Variants in VPS18 observed in about 807,000 individuals in gnomAD.
VPS18 encodes VPS18 core subunit of CORVET and HOPS complexes, also known as vacuolar protein sorting-associated protein 18 homolog.
In VPS18, 25 loss-of-function variants were observed where a neutral mutation model predicts 82.0. The observed-to-expected ratio is 0.30, with a 90% CI of 0.22 to 0.43. The LOEUF is 0.43. Ranked by LOEUF, VPS18 falls within the 20% of genes least tolerant of loss-of-function variation. The probability of loss-of-function intolerance (pLI) is 1.00; values close to 1 mark genes in which losing one functional copy is unlikely to be tolerated. For missense variants in VPS18, 1,168 were observed against 1,311.1 expected (o/e 0.89, Z 1.69); for synonymous variants, 523 against 543.0 (o/e 0.96, Z 0.51).
At position 40,899,937 on chromosome 15, in the gene VPS18, C is replaced by T. The variant is rs1387381114; in HGVS notation, c.1119C>T (p.Ser373=). Residue 373 remains serine, a synonymous_variant, in exon 4 of 5, where the codon TCC becomes TCT. Coordinates refer to ENST00000220509, the MANE Select transcript of VPS18 (RefSeq NM_020857.3). The surrounding 1 kb of genome is among the most constrained non-coding windows in gnomAD (Gnocchi z 4.4). ...CGCTGAAGCACATGGTGAAGGACTC[C>T]TCCACAGGCCAGCTGTGGGCCTACA... ...FGPLKHMVKD[S]STGQLWAYTE... 6.2e-6 allele frequency: 10 copies of T among 1,613,522 alleles called. No individual in the cohort carries two copies. Among genetic ancestry groups the T allele is most frequent in the Non-Finnish European group, 5.1e-6 (6 of 1,180,028 alleles).
Position 40,895,921 on chromosome 15 carries a change from T to C in VPS18, c.92-17T>C. 6 of 1,614,100 alleles carry C rather than the reference T, an allele frequency of 3.7e-6. No individual in the cohort carries two copies. Among genetic ancestry groups the C allele is most frequent in the Non-Finnish European group, 5.1e-6 (6 of 1,179,944 alleles). On this transcript the variant is annotated splice_polypyrimidine_tract_variant and intron_variant, in intron 1 of 4. Coordinates refer to ENST00000220509, the MANE Select transcript of VPS18 (RefSeq NM_020857.3). Reference sequence around the variant, plus strand: ...GTCTCTTCCACAGCTAATCTTCTTGTCATTCCTTACCTGTAGGGTATGTGA... The same window carrying C: ...GTCTCTTCCACAGCTAATCTTCTTGCCATTCCTTACCTGTAGGGTATGTGA...
Position 40,900,476 on chromosome 15 carries a change from C to G in VPS18, c.1658C>G (p.Thr553Arg). The change falls in exon 4 of 5, where the codon ACA (threonine) becomes AGA (arginine). Residue 553 changes from threonine (T) to arginine (R), a missense_variant. Thr to Arg is a moderately conservative substitution (Grantham distance 71). Around this residue, in one of 3 missense-constraint regions of VPS18, gnomAD observed 868 missense variants for 939.8 expected, o/e 0.92. Coordinates refer to ENST00000220509, the MANE Select transcript of VPS18 (RefSeq NM_020857.3). The surrounding 1 kb of genome is among the most constrained non-coding windows in gnomAD (Gnocchi z 5.4). ...GAGCTGCTCGCCAGTCATGGGGACACAGAACACATGGTGTACTTTGCAGTG... is the reference window on the plus strand; with the variant it reads ...GAGCTGCTCGCCAGTCATGGGGACAGAGAACACATGGTGTACTTTGCAGTG... The part of the protein sequence containing the change: ...IHELLASHGD[T>R]EHMVYFAVIM... 1.2e-6 allele frequency: 2 copies of G among 1,614,180 alleles called. No homozygotes were observed. Among genetic ancestry groups the G allele is most frequent in the South Asian group, 2.2e-5 (2 of 91,078 alleles).
chr15:40,900,854 T>G lies in VPS18; in HGVS notation c.2036T>G (p.Leu679Arg). 1 of 1,614,168 alleles carries G rather than the reference T, an allele frequency of 6.2e-7. No homozygotes were observed. The highest frequency in any genetic ancestry group is 8.5e-7 in the Non-Finnish European group (1 of 1,180,040). ...SLYARGRPDS[L>R]LAYLEQAGAS... The stretch of plus-strand genomic sequence containing the variant: ...TATGCCCGTGGCCGGCCGGACTCAC[T>G]ACTGGCCTATCTGGAGCAGGCTGGG... Residue 679 changes from leucine to arginine, a missense_variant, in exon 4 of 5, where the codon CTA becomes CGA. Physicochemically the swap from Leu to Arg is moderately radical, Grantham distance 102 (BLOSUM62 -2). Transcript: ENST00000220509. This position sits in a 1 kb window ranked among gnomAD's most constrained non-coding sequence, Gnocchi z 5.4.
Position 40,903,015 on chromosome 15 carries a change from T to A in VPS18, c.2596T>A (p.Tyr866Asn). Residue 866 changes from tyrosine to asparagine, a missense_variant, in exon 5 of 5, where the codon TAC becomes AAC. Transcript: ENST00000220509. ...CTTCCCCCTGCTCAACCGCCCTTTT[T>A]ACCTCTTCCTCTGTGGCCATATGTT... is the stretch of plus-strand genomic sequence containing the variant. The part of the protein sequence containing the change: ...CDFPLLNRPF[Y>N]LFLCGHMFHA... 1 of 1,614,238 alleles carries A rather than the reference T, an allele frequency of 6.2e-7. No homozygotes were observed. Among genetic ancestry groups the A allele is most frequent in the Non-Finnish European group, 8.5e-7 (1 of 1,180,040 alleles).
intron 2 of VPS18, among the ~76,000 whole-genome samples, chr15:40,896,961 A>G (rs1892240309): frequency 1.3e-5 from 2 of 152,170 alleles, no homozygotes; most frequent in Non-Finnish European, 1.5e-5. Flanking sequence ...TTAAACTGCA[A>G]TTCAGCCACA....
rs1283805635 is a variant in VPS18 at position 40,900,544 on chromosome 15, C to T, written c.1726C>T (p.His576Tyr). 2 of 1,614,036 alleles carry T rather than the reference C, an allele frequency of 1.2e-6. No individual in the cohort carries two copies. The highest frequency in any genetic ancestry group is 1.7e-6 in the Non-Finnish European group (2 of 1,180,030). ...GCGGGTGGTGGCTTACCACTGTCAG[C>T]ACGAGGCCTACGAGGAGGCCCTGGC... is the stretch of plus-strand genomic sequence containing the variant. ...YERVVAYHCQ[H>Y]EAYEEALAVL... The change falls in exon 4 of 5, where the codon CAC becomes TAC. Residue 576 changes from histidine (H) to tyrosine (Y), a missense_variant. By Grantham distance (83) the His-to-Tyr change is moderately conservative (BLOSUM62 2). Transcript: ENST00000220509. The surrounding 1 kb of genome is among the most constrained non-coding windows in gnomAD (Gnocchi z 5.4).
chr15:40,901,447 C>T (rs1473008647), intron 4 of VPS18, among the ~76,000 whole-genome samples: 1 of 151,790 alleles, frequency 6.6e-6, no homozygotes, highest in Non-Finnish European at 1.5e-5. Context: ...ATTAGCCGGA[C>T]ATTGTGGTGC....
intron 4 of VPS18, 88 bp downstream of exon 4, chr15:40,901,102 G>A: frequency 7.0e-7 from 1 of 1,422,564 alleles, no homozygotes; most frequent in Admixed American, 2.0e-5. Context: ...GCCATGGCTA[G>A]AGGGTGCTGG....
At position 40,900,157 on chromosome 15, in the gene VPS18, G is replaced by T; in HGVS notation, c.1339G>T (p.Ala447Ser). 1.9e-6 allele frequency: 3 copies of T among 1,613,786 alleles called. No individual in the cohort carries two copies. Among genetic ancestry groups the T allele is most frequent in the Non-Finnish European group, 2.5e-6 (3 of 1,180,028 alleles). The change falls in exon 4 of 5, where the codon GCC becomes TCC. Residue 447 changes from alanine (A) to serine (S), a missense_variant. By Grantham distance (99) the Ala-to-Ser change is moderately conservative. This residue lies in a region of VPS18 where 868 missense variants were observed against 939.8 expected (regional missense o/e 0.92). Transcript: ENST00000220509. This position sits in a 1 kb window ranked among gnomAD's most constrained non-coding sequence, Gnocchi z 5.4. ...RRYLESARCYALTQSYFEEIA... is the reference protein window; with the variant it reads ...RRYLESARCYSLTQSYFEEIA... ...CTACCTGGAGAGCGCACGCTGCTAT[G>T]CCCTGACCCAGAGCTACTTTGAGGA...
Position 40,902,977 on chromosome 15 carries a change from G to A in VPS18, c.2558G>A (p.Cys853Tyr), listed in dbSNP as rs1892387257. 1.2e-6 allele frequency: 2 copies of A among 1,614,144 alleles called. No individual in the cohort carries two copies. Among genetic ancestry groups the A allele is most frequent in the African/African-American group, 2.7e-5 (2 of 74,956 alleles). The change falls in exon 5 of 5, where the codon TGT becomes TAT. Residue 853 changes from cysteine to tyrosine, a missense_variant. Physicochemically the swap from Cys to Tyr is radical, Grantham distance 194. This residue lies in a region of VPS18 where 296 missense variants were observed against 354.0 expected (regional missense o/e 0.84). Coordinates refer to ENST00000220509, the MANE Select transcript of VPS18 (RefSeq NM_020857.3). This position sits in a 1 kb window ranked among gnomAD's most constrained non-coding sequence, Gnocchi z 4.2. ...RYGTVEPQDKCATCDFPLLNR... is the reference protein window; with the variant it reads ...RYGTVEPQDKYATCDFPLLNR... ...GGCACTGTGGAGCCCCAGGACAAAT[G>A]TGCCACCTGCGACTTCCCCCTGCTC... is the stretch of plus-strand genomic sequence containing the variant.
At position 40,900,972 on chromosome 15, in the gene VPS18, G is replaced by C; in HGVS notation, c.2154G>C (p.Lys718Asn). ...ACCGCGCTTGTGTCCATGTCTACAA[G>C]GTCCTAGAGCTGTATGAGGAGGCCG... The part of the protein sequence containing the change: ...GHHRACVHVY[K>N]VLELYEEAVD... The change falls in exon 4 of 5, where the codon AAG (lysine) becomes AAC (asparagine). Residue 718 changes from lysine to asparagine, a missense_variant. Transcript: ENST00000220509. The surrounding 1 kb of genome is among the most constrained non-coding windows in gnomAD (Gnocchi z 5.4). 1 of 1,610,408 alleles carries C rather than the reference G, an allele frequency of 6.2e-7. No homozygotes were observed. Among genetic ancestry groups the C allele is most frequent in the Non-Finnish European group, 8.5e-7 (1 of 1,180,014 alleles).
At position 40,900,598 on chromosome 15, in the gene VPS18, C is replaced by T. The variant is rs1381661759; in HGVS notation, c.1780C>T (p.Leu594Phe). 3 of 1,613,946 alleles carry T rather than the reference C, an allele frequency of 1.9e-6. No homozygotes were observed. Among genetic ancestry groups the T allele is most frequent in the Non-Finnish European group, 2.5e-6 (3 of 1,180,042 alleles). ...AVLARHRDPQ[L>F]FYKFSPILIR... ...GCTCGCCCGCCACCGTGACCCCCAG[C>T]TCTTCTACAAGTTCTCACCCATCCT... The change falls in exon 4 of 5, where the codon CTC (leucine) becomes TTC (phenylalanine). Residue 594 changes from leucine (L) to phenylalanine (F), a missense_variant. Physicochemically the swap from Leu to Phe is conservative, Grantham distance 22 (BLOSUM62 0). Transcript: ENST00000220509. The surrounding 1 kb of genome is among the most constrained non-coding windows in gnomAD (Gnocchi z 5.4).
chr15:40,903,416 GGCTCT>G lies in VPS18; in HGVS notation c.*80_*84del, dbSNP rs563272859. The G allele has an allele frequency of 1.8e-4, 273 of 1,499,924 alleles. No homozygotes were observed. In the East Asian group the frequency reaches 5.0e-3, roughly 28 times the overall value. 92.9% of individuals were successfully genotyped at this position (1,499,924 alleles called of 1,614,324 possible). On this transcript the variant is annotated 3_prime_UTR_variant, in exon 5 of 5. Transcript: ENST00000220509. Reference sequence around the variant, plus strand: ...ACCCACTTGAGAAGGCTGCCTCCTAGGCTCTGCTCAGTCATCTTGCAATTGCCACA... The same window carrying G: ...ACCCACTTGAGAAGGCTGCCTCCTAGGCTCAGTCATCTTGCAATTGCCACA...
Position 40,903,315 on chromosome 15 carries a change from G to A in VPS18, c.2896G>A (p.Glu966Lys), listed in dbSNP as rs529222577. 12 of 1,546,884 alleles carry A rather than the reference G, an allele frequency of 7.8e-6. No homozygotes were observed. The East Asian group carries it at 1.6e-4, about 20-fold the overall frequency. The change falls in exon 5 of 5, where the codon GAG becomes AAG. Residue 966 changes from glutamate to lysine, a missense_variant. Coordinates refer to ENST00000220509, the MANE Select transcript of VPS18 (RefSeq NM_020857.3). ...DRPFIDPQRY[E>K]EEQLSWL ...GCCGTTCATCGACCCCCAGCGCTAC[G>A]AGGAGGAGCAGCTCAGTTGGCTGTA...
At chr15:40,895,894 C>T (rs2142035527) in intron 1 of VPS18, 44 bp from the exon 2 acceptor site, 1 of 1,611,672 alleles carries the variant, frequency 6.2e-7, no homozygotes, top group Non-Finnish European at 8.5e-7. Context: ...TGCCCTTCAC[C>T]TGTCTCTTCC....
Position 40,900,437 on chromosome 15 carries a change from G to A in VPS18, c.1619G>A (p.Arg540Gln), listed in dbSNP as rs750916402. The A allele has an allele frequency of 5.1e-5, 82 of 1,613,814 alleles. No individual in the cohort carries two copies. Among genetic ancestry groups the A allele is most frequent in the East Asian group, 6.7e-5 (3 of 44,876 alleles). ...CACAAAGAGTGGCTCTTTGCCAGCC[G>A]GGCCTCTATCCATGAGCTGCTCGCC... ...PRHKEWLFAS[R>Q]ASIHELLASH... The change falls in exon 4 of 5, where the codon CGG (arginine) becomes CAG (glutamine). Residue 540 changes from arginine to glutamine, a missense_variant. By Grantham distance (43) the Arg-to-Gln change is conservative. Coordinates refer to ENST00000220509, the MANE Select transcript of VPS18 (RefSeq NM_020857.3). This position sits in a 1 kb window ranked among gnomAD's most constrained non-coding sequence, Gnocchi z 5.4.
rs762256944 is a variant in VPS18 at position 40,898,943 on chromosome 15, G to T, written c.270G>T (p.Val90=). 2 of 1,614,168 alleles carry T rather than the reference G, an allele frequency of 1.2e-6. No individual in the cohort carries two copies. Among genetic ancestry groups the T allele is most frequent in the Admixed American group, 3.3e-5 (2 of 60,020 alleles). Residue 90 remains valine, a synonymous_variant, in exon 3 of 5, where the codon GTG becomes GTT. Coordinates refer to ENST00000220509, the MANE Select transcript of VPS18 (RefSeq NM_020857.3). ...DLGKANEPNH[V]ELGRKDDAKV... The stretch of plus-strand genomic sequence containing the variant: ...GCAAGGCAAATGAGCCCAACCACGT[G>T]GAGCTGGGACGTAAGGATGACGCAA...
At position 40,899,425 on chromosome 15, in the gene VPS18, G is replaced by A; in HGVS notation, c.607G>A (p.Ala203Thr). 2.5e-6 allele frequency: 4 copies of A among 1,603,794 alleles called. No individual in the cohort carries two copies. The highest frequency in any genetic ancestry group is 8.5e-7 in the Non-Finnish European group (1 of 1,172,604). ...CGTGCTAAATGAAGAAGGGGGTCCA[G>A]CACCTGTGTGCTCCCTTGAGGCCGA... ...LYVLNEEGGP[A>T]PVCSLEAERG... The change falls in exon 4 of 5, where the codon GCA becomes ACA. Residue 203 changes from alanine to threonine, a missense_variant. Ala to Thr is a moderately conservative substitution (Grantham distance 58, BLOSUM62 0). Around this residue, in one of 3 missense-constraint regions of VPS18, gnomAD observed 868 missense variants for 939.8 expected, o/e 0.92. Coordinates refer to ENST00000220509, the MANE Select transcript of VPS18 (RefSeq NM_020857.3). This position sits in a 1 kb window ranked among gnomAD's most constrained non-coding sequence, Gnocchi z 4.4.
At chr15:40,898,473 CTTTT>C (rs1354455179) in intron 2 of VPS18, among the ~76,000 whole-genome samples, 1 of 136,722 alleles carries the variant, frequency 7.3e-6, no homozygotes. Context: ...TCAGCAATTT[CTTTT>C]TTTTTTTTTT....
Sources: gnomAD v4.1 joint callset for allele counts (sites outside exome capture counted in the v4.1 genomes callset) on GRCh38, gnomAD v4.1.1 for gene constraint, gnomAD v4.1.1 regional missense constraint, Gnocchi (gnomAD v3.1) non-coding constraint, MANE v1.5 for transcripts, NCBI Gene and HGNC (gene_info 2026-07-23, HGNC 2026-07-21) for gene names.